Variants in SS18L1 observed in about 807,000 individuals in gnomAD.
The protein encoded by SS18L1 is calcium-responsive transactivator.
Under a neutral mutation model 70.3 loss-of-function variants are expected in SS18L1, and 32 were observed. The observed-to-expected ratio is 0.46, with a 90% CI of 0.34 to 0.61. The LOEUF is 0.61. Among genes scored for constraint, SS18L1 ranks in the 20% least tolerant of loss-of-function variants. The probability of loss-of-function intolerance (pLI) is 0.01; values close to 1 mark genes in which losing one functional copy is unlikely to be tolerated. For missense variants in SS18L1, 430 were observed against 542.1 expected, an observed-to-expected ratio of 0.79 and a Z score of 2.05; for synonymous variants, 237 against 229.7, an observed-to-expected ratio of 1.03 and a Z score of -0.29.
intron 8 of SS18L1, 81 bp from the exon 9 acceptor site, chr20:62,172,601 A>C: frequency 1.3e-6 from 2 of 1,599,970 alleles, no homozygotes; most frequent in Non-Finnish European, 1.7e-6. Flanking sequence ...TTCCAAAGTT[A>C]CCGTGTCGTG....
At chr20:62,170,537 C>G (rs1265044385) in intron 8 of SS18L1, among the ~76,000 whole-genome samples, 1 of 152,192 alleles carries the variant, frequency 6.6e-6, no homozygotes, top group Non-Finnish European at 1.5e-5. Context: ...GGAGTACTTG[C>G]TGGTTGTGGA....
At position 62,163,343 on chromosome 20, in the gene SS18L1, G is replaced by C. The variant is rs1045551145; in HGVS notation, c.557-115G>C. 7 of 1,482,326 alleles carry C rather than the reference G, an allele frequency of 4.7e-6. No homozygotes were observed. In the East Asian group the frequency reaches 9.2e-5, roughly 20 times the overall value. 91.8% of individuals were successfully genotyped at this position (1,482,326 alleles called of 1,614,324 possible). On this transcript the variant is annotated intron_variant, in intron 5 of 10. Coordinates refer to ENST00000331758, the MANE Select transcript of SS18L1 (RefSeq NM_198935.3). ...CCTTGCGGTGGAGGACGCTGTCCTC[G>C]TGGGGAGCACAGGAAAATAACGAGG...
At chr20:62,144,831 G>C (rs924972862) in intron 1 of SS18L1, among the ~76,000 whole-genome samples, 7 of 152,250 alleles carry the variant, frequency 4.6e-5, no homozygotes, top group Non-Finnish European at 8.8e-5. Context: ...GAATGACATT[G>C]GTTTTTTTTC....
chr20:62,171,664 C>A (rs1002853050), intron 8 of SS18L1, among the ~76,000 whole-genome samples: 1 of 152,146 alleles, frequency 6.6e-6, no homozygotes, highest in Non-Finnish European at 1.5e-5. Flanking sequence ...TTTTAAAATA[C>A]TTAAATTTTA....
Position 62,179,203 on chromosome 20 carries a change from C to T in SS18L1, c.1186C>T (p.Gln396Ter), listed in dbSNP as rs371489837. The T allele has an allele frequency of 1.3e-5, 21 of 1,614,042 alleles. No individual in the cohort carries two copies. The highest frequency in any genetic ancestry group is 1.7e-5 in the Admixed American group (1 of 60,006). Residue 396 changes from glutamine to a stop codon, truncating the protein, a stop_gained, in exon 11 of 11, where the codon CAG becomes TAG. Coordinates refer to ENST00000331758, the MANE Select transcript of SS18L1 (RefSeq NM_198935.3). LOFTEE classifies it high-confidence loss of function. ...YEQGQYGNYQ[Q>*] ...TTAGGGCCAGTATGGAAATTACCAG[C>T]AGTAAGGGACACACATTCTGGCTGG...
At position 62,179,607 on chromosome 20, in the gene SS18L1, C is replaced by T. The variant is rs1219797210; in HGVS notation, c.*399C>T. On this transcript the variant is annotated 3_prime_UTR_variant, in exon 11 of 11. Transcript: ENST00000331758. ...TCAACAGACGTTAGGTCTCATTTTC[C>T]TCCTCATGCAGTGTTGTAGTGTGGG... The T allele has an allele frequency of 6.9e-6, 2 of 291,306 alleles. No individual in the cohort carries two copies. The highest frequency in any genetic ancestry group is 6.5e-6 in the Non-Finnish European group (1 of 152,688). The allele number at this position is 291,306 out of a possible 1,614,324, so 18.0% of individuals were successfully genotyped here.
intron 9 of SS18L1, 63 bp downstream of exon 9, chr20:62,172,864 G>T (rs2057557295): frequency 1.3e-6 from 2 of 1,580,962 alleles, no homozygotes; most frequent in Admixed American, 3.5e-5. Context: ...CCACACATGG[G>T]TACGTGCTCA....
At chr20:62,163,696 T>C in intron 6 of SS18L1, 74 bp downstream of exon 6, 1 of 1,447,444 alleles carries the variant, frequency 6.9e-7, no homozygotes, top group Non-Finnish European at 9.1e-7. Context: ...TGTGTGTGCT[T>C]CTCTTCGGGG....
At chr20:62,173,171 G>A (rs573162283) in intron 9 of SS18L1, among the ~76,000 whole-genome samples, 1 of 152,322 alleles carries the variant, frequency 6.6e-6, no homozygotes, top group Admixed American at 6.5e-5. Context: ...TCACCTGCAC[G>A]CCTCAGGCCC....
At position 62,158,593 on chromosome 20, in the gene SS18L1, G is replaced by T; in HGVS notation, c.70-79G>T. 3 of 1,560,056 alleles carry T rather than the reference G, an allele frequency of 1.9e-6. No homozygotes were observed. The highest frequency in any genetic ancestry group is 2.6e-6 in the Non-Finnish European group (3 of 1,155,256). ...GGACGCTCAACCTATATGAAAACTA[G>T]ATGTGTAGCGATGGCTGTTCATCCC... On this transcript the variant is annotated intron_variant, in intron 1 of 10. Coordinates refer to ENST00000331758, the MANE Select transcript of SS18L1 (RefSeq NM_198935.3). The surrounding 1 kb of genome is among the most constrained non-coding windows in gnomAD (Gnocchi z 4.5).
At chr20:62,155,370 G>A (rs774218856) in intron 1 of SS18L1, among the ~76,000 whole-genome samples, 4 of 152,190 alleles carry the variant, frequency 2.6e-5, no homozygotes, top group Non-Finnish European at 4.4e-5. Context: ...CCAAGATCAC[G>A]CCACTGCACT....
Position 62,174,710 on chromosome 20 carries a change from C to T in SS18L1, c.1164+66C>T, listed in dbSNP as rs1223172075. On this transcript the variant is annotated intron_variant, in intron 10 of 10. Transcript: ENST00000331758. The surrounding 1 kb of genome is among the most constrained non-coding windows in gnomAD (Gnocchi z 4.1). Reference sequence around the variant, plus strand: ...GCCTGTCGAGACATAATGAAGATTTCTCTTATGGCCATGAGGAATAATGAG... The same window carrying T: ...GCCTGTCGAGACATAATGAAGATTTTTCTTATGGCCATGAGGAATAATGAG... 6.2e-7 allele frequency: 1 copy of T among 1,612,010 alleles called. No homozygotes were observed. Among genetic ancestry groups the T allele is most frequent in the Non-Finnish European group, 8.5e-7 (1 of 1,179,726 alleles).
intron 1 of SS18L1, among the ~76,000 whole-genome samples, chr20:62,144,161 G>A (rs1320080768): frequency 6.6e-6 from 1 of 151,214 alleles, no homozygotes; most frequent in Non-Finnish European, 1.5e-5. Flanking sequence ...GGGCGGTGGG[G>A]GCCGGGCGGA....
intron 8 of SS18L1, among the ~76,000 whole-genome samples, chr20:62,169,157 C>T (rs1035982489): frequency 1.3e-5 from 2 of 152,218 alleles, no homozygotes; most frequent in African/African-American, 4.8e-5. Flanking sequence ...CCCTCGTGAC[C>T]TGGCATCTGG....
At chr20:62,149,228 C>T (rs563342913) in intron 1 of SS18L1, among the ~76,000 whole-genome samples, 3 of 152,338 alleles carry the variant, frequency 2.0e-5, no homozygotes, top group East Asian at 1.9e-4. Flanking sequence ...GCTGATGGAC[C>T]GTAAGGCCTG....
At chr20:62,153,464 G>A (rs1033415629) in intron 1 of SS18L1, among the ~76,000 whole-genome samples, 10 of 151,768 alleles carry the variant, frequency 6.6e-5, no homozygotes, top group African/African-American at 1.9e-4. Context: ...TGGTGACCAG[G>A]GAGAACAGGT....
intron 8 of SS18L1, among the ~76,000 whole-genome samples, chr20:62,169,169 C>G (rs895746558): frequency 6.6e-6 from 1 of 152,204 alleles, no homozygotes; most frequent in African/African-American, 2.4e-5. Flanking sequence ...GGCATCTGGG[C>G]GCCATTGCTG....
chr20:62,146,801 T>C (rs1266750618), intron 1 of SS18L1, among the ~76,000 whole-genome samples: 2 of 152,032 alleles, frequency 1.3e-5, no homozygotes, highest in African/African-American at 4.8e-5. Context: ...GTATTTTTAG[T>C]AGAGACGGAG....
chr20:62,178,368 G>T (rs2057657814), intron 10 of SS18L1, among the ~76,000 whole-genome samples: 1 of 151,576 alleles, frequency 6.6e-6, no homozygotes, highest in African/African-American at 2.4e-5. Flanking sequence ...GGCCAGGCTG[G>T]TCTTGAACTC....
Sources: gnomAD v4.1 joint callset for allele counts (sites outside exome capture counted in the v4.1 genomes callset) on GRCh38, gnomAD v4.1.1 for gene constraint, Gnocchi (gnomAD v3.1) non-coding constraint, MANE v1.5 for transcripts, NCBI Gene and HGNC (gene_info 2026-07-23, HGNC 2026-07-21) for gene names.